The following GK variants were observed in gnomAD, a reference collection of about 807,000 sequenced individuals.
GK encodes glycerol kinase.
In GK, 9 loss-of-function variants were observed where a neutral mutation model predicts 56.4. That is an observed-to-expected ratio of 0.16 (90% confidence interval 0.10 to 0.28). GK has a LOEUF of 0.28. Among genes scored for constraint, GK ranks in the 10% least tolerant of loss-of-function variants. The pLI is 1.00. For synonymous variants in GK, 104 were observed against 144.1 expected (o/e 0.72, Z 1.99); for missense variants, 161 against 431.4 (o/e 0.37, Z 5.55).
intron 1 of GK, among the ~76,000 whole-genome samples, chrX:30,662,859 TTCTTTCTTTC>T (rs1374810568): frequency 0.054 from 2,791 of 51,722 alleles, 73 homozygotes; most frequent in African/African-American, 0.061. Context: ...CTTTCTTTCT[TTCTTTCTTTC>T]TCTTTCTTTC....
chrX:30,705,069 T>G (rs1935925767), intron 11 of GK, among the ~76,000 whole-genome samples: 1 of 112,374 alleles, frequency 8.9e-6, no homozygotes, highest in Non-Finnish European at 1.9e-5. Context: ...TTTGTTTGAT[T>G]TTGTTTGTAA....
intron 1 of GK, among the ~76,000 whole-genome samples, chrX:30,657,286 A>G (rs1932367887): frequency 8.9e-6 from 1 of 112,720 alleles, no homozygotes; most frequent in Non-Finnish European, 1.9e-5. Flanking sequence ...CAAATTGTCA[A>G]AGAATTAATC....
intron 11 of GK, among the ~76,000 whole-genome samples, chrX:30,701,158 C>T (rs1028651632): frequency 3.6e-5 from 4 of 112,017 alleles, no homozygotes; most frequent in African/African-American, 1.3e-4. Context: ...GCCTGTAATC[C>T]CAGCACTTTG....
At chrX:30,670,564 C>T (rs944869386) in intron 3 of GK, among the ~76,000 whole-genome samples, 1 of 109,803 alleles carries the variant, frequency 9.1e-6, no homozygotes, top group African/African-American at 3.3e-5. Context: ...AAGAGAACAT[C>T]CCACAAGCTC....
chrX:30,676,867 A>G (rs1488645969), intron 3 of GK, among the ~76,000 whole-genome samples: 1 of 111,783 alleles, frequency 8.9e-6, no homozygotes, highest in East Asian at 2.8e-4. Flanking sequence ...AATTTCTAAC[A>G]AACCATAATA....
At position 30,728,804 on chromosome X, in the gene GK, T is replaced by C; in HGVS notation, c.*62T>C. On this transcript the variant is annotated 3_prime_UTR_variant, in exon 21 of 21. Coordinates refer to ENST00000427190, the MANE Select transcript of GK (RefSeq NM_001205019.2). ...TTTACATAATGAAAGAACCCAGCAATTCTGTCTCTTAATGCAATGACACTA... is the reference window on the plus strand; with the variant it reads ...TTTACATAATGAAAGAACCCAGCAACTCTGTCTCTTAATGCAATGACACTA... The C allele has an allele frequency of 1.2e-6, 1 of 824,338 alleles. No homozygotes were observed. The highest frequency in any genetic ancestry group is 1.8e-6 in the Non-Finnish European group (1 of 543,816). The allele number at this position is 824,338 out of a possible 1,213,427, so 67.9% of individuals were successfully genotyped here.
intron 13 of GK, among the ~76,000 whole-genome samples, chrX:30,716,346 T>C (rs781201258): frequency 2.0e-4 from 22 of 111,860 alleles, no homozygotes; most frequent in African/African-American, 6.8e-4. Context: ...ATACTGCCCA[T>C]GGCAGCCATG....
At chrX:30,716,880 C>G (rs548110775) in intron 13 of GK, among the ~76,000 whole-genome samples, 2 of 112,004 alleles carry the variant, frequency 1.8e-5, no homozygotes, top group South Asian at 7.3e-4. Context: ...ATTTGCACAG[C>G]TATGCCAGAT....
At position 30,665,598 on chromosome X, in the gene GK, T is replaced by C. The variant is rs762777173; in HGVS notation, c.152+14T>C. 5.6e-5 allele frequency: 53 copies of C among 949,930 alleles called. No homozygotes were observed. Among genetic ancestry groups the C allele is most frequent in the Non-Finnish European group, 1.1e-5 (7 of 657,902 alleles). 78.3% of individuals were successfully genotyped at this position (949,930 alleles called of 1,213,427 possible). ...CCCAAGAGAAGGGTATGTTTCCTAA[T>C]TTAATATGTAAAGACACATTATGTT... On this transcript the variant is annotated intron_variant, in intron 2 of 20. Transcript: ENST00000427190.
At chrX:30,695,084 T>G in intron 6 of GK, 1 of 480,674 alleles carries the variant, frequency 2.1e-6, no homozygotes. Context: ...TCCCCACAGA[T>G]AATTTTAAAA....
At chrX:30,662,701 C>T (rs866984969) in intron 1 of GK, among the ~76,000 whole-genome samples, 2 of 108,152 alleles carry the variant, frequency 1.8e-5, no homozygotes, top group Non-Finnish European at 3.8e-5. Context: ...TTCTCTCTCT[C>T]TTTCTCTTTT....
At chrX:30,707,062 C>T (rs979227652) in intron 11 of GK, among the ~76,000 whole-genome samples, 2 of 111,979 alleles carry the variant, frequency 1.8e-5, no homozygotes, top group African/African-American at 6.5e-5. Flanking sequence ...GGCACAGTGG[C>T]TTAAACGTCT....
rs1364046589 is a variant in GK, at chrX:30,727,462, A to G, written c.1583-4A>G. On this transcript the variant is annotated splice_polypyrimidine_tract_variant and splice_region_variant and intron_variant, in intron 19 of 20. Coordinates refer to ENST00000427190, the MANE Select transcript of GK (RefSeq NM_001205019.2). The stretch of plus-strand genomic sequence containing the variant: ...GGAATTCTCTTCTGCTTGGATGACC[A>G]CAGGTGACCCTAGTATCTTCTGTAG... 1 of 1,144,381 alleles carries G rather than the reference A, an allele frequency of 8.7e-7. No homozygotes were observed. The highest frequency in any genetic ancestry group is 2.2e-5 in the Admixed American group (1 of 45,757). The allele number at this position is 1,144,381 out of a possible 1,213,427, so 94.3% of individuals were successfully genotyped here.
chrX:30,670,662 G>A (rs1933424500), intron 3 of GK, among the ~76,000 whole-genome samples: 1 of 111,365 alleles, frequency 9.0e-6, no homozygotes, highest in African/African-American at 3.3e-5. Flanking sequence ...TTGCTTGCCT[G>A]CATAGAACTC....
chrX:30,699,282 CAACATGTTATACAT>C (rs1569162156), intron 9 of GK, among the ~76,000 whole-genome samples: 1 of 85,780 alleles, frequency 1.2e-5, no homozygotes, highest in African/African-American at 4.4e-5. Context: ...TGTATATATA[CAACATGTTATACAT>C]AACATGTATA....
At chrX:30,702,361 T>TA (rs1462281569) in intron 11 of GK, among the ~76,000 whole-genome samples, 1 of 112,259 alleles carries the variant, frequency 8.9e-6, no homozygotes, top group Non-Finnish European at 1.9e-5. Flanking sequence ...TTTTAAATAT[T>TA]AAAAAATCTA....
chrX:30,686,388 A>G (rs111714567), intron 4 of GK, among the ~76,000 whole-genome samples: 5,964 of 112,223 alleles, frequency 0.053, 176 homozygotes, highest in Non-Finnish European at 0.078. Flanking sequence ...AACTGTCAGC[A>G]GTCTGTGCTT....
At chrX:30,655,112 C>T (rs142251292) in intron 1 of GK, among the ~76,000 whole-genome samples, 159 of 111,465 alleles carry the variant, frequency 1.4e-3, no homozygotes, top group Non-Finnish European at 2.6e-3. Context: ...AATGACTTAC[C>T]CTGGTTTGAG....
Position 30,668,246 on chromosome X carries a change from C to T in GK, c.259+128C>T, listed in dbSNP as rs943039102. On this transcript the variant is annotated intron_variant, in intron 3 of 20. Coordinates refer to ENST00000427190, the MANE Select transcript of GK (RefSeq NM_001205019.2). Reference sequence around the variant, plus strand: ...TTTCTATGAGAACTTGAGGATACAACACTAAAGAGGAAGATTTAAGTTCTT... The same window carrying T: ...TTTCTATGAGAACTTGAGGATACAATACTAAAGAGGAAGATTTAAGTTCTT... The T allele has an allele frequency of 1.0e-5, 5 of 481,305 alleles. No individual in the cohort carries two copies. In the East Asian group the frequency reaches 1.9e-4, roughly 18 times the overall value. 39.7% of individuals were successfully genotyped at this position (481,305 alleles called of 1,213,427 possible). A position where few individuals can be genotyped will look rare whatever the true frequency, so the allele number is the denominator to read the frequency against.
Sources: allele counts gnomAD v4.1 joint callset (sites outside exome capture counted in the v4.1 genomes callset), GRCh38; gene constraint gnomAD v4.1.1; transcripts MANE v1.5; gene names NCBI Gene and HGNC (gene_info 2026-07-23, HGNC 2026-07-21).